KANTR: variants seen among roughly 807,000 people sequenced by gnomAD.
KANTR encodes the protein KANTR integral membrane protein.
downstream of KANTR, among the ~76,000 whole-genome samples, chrX:53,131,161 G>A (rs1269562851): frequency 9.0e-6 from 1 of 110,870 alleles, no homozygotes; most frequent in Admixed American, 9.7e-5. Flanking sequence ...ATGCTTTCAA[G>A]TCTTTGTTCT....
At chrX:53,143,179 A>G, downstream of KANTR, 1 of 834,482 alleles carries the variant, frequency 1.2e-6, no homozygotes, top group Non-Finnish European at 1.8e-6. Flanking sequence ...GATGGTGATG[A>G]CCTGACCTGG....
downstream of KANTR, chrX:53,143,339 T>C (rs1556818774): frequency 2.8e-6 from 2 of 722,068 alleles, no homozygotes; most frequent in Non-Finnish European, 4.2e-6. Context: ...TTGGTGAGGA[T>C]CTTCATGAGG....
downstream of KANTR, among the ~76,000 whole-genome samples, chrX:53,128,452 A>G (rs1282141138): frequency 3.6e-5 from 4 of 111,621 alleles, no homozygotes; most frequent in African/African-American, 1.3e-4. Flanking sequence ...ACTAAATCTT[A>G]AAAGATTTAG....
chrX:53,105,854 CT>C lies in KANTR; in HGVS notation c.-805+6267del, dbSNP rs1181859013. On this transcript the variant is annotated intron_variant, in intron 2 of 2. Transcript: ENST00000604062. ...CCTTTGTCAGATAATATGTTTTTTT[CT>C]TTTTTTTTTTTTTTTTTTTTGAGAC... 4.5e-3 allele frequency among the ~76,000 whole-genome samples: 324 copies of C among 72,038 alleles called. 2 individuals are homozygous for C. The highest frequency in any genetic ancestry group is 0.016 in the African/African-American group (284 of 17,480). 62.6% of individuals were successfully genotyped at this position (72,038 alleles called of 115,157 possible). A position where few individuals can be genotyped will look rare whatever the true frequency, so the allele number is the denominator to read the frequency against.
At chrX:53,104,367 C>T (rs1342797788) in intron 2 of KANTR, among the ~76,000 whole-genome samples, 3 of 110,022 alleles carry the variant, frequency 2.7e-5, no homozygotes, top group Admixed American at 9.8e-5. Context: ...ACTGGGATTA[C>T]AGGCGCACAC....
chrX:53,145,145 T>G (rs1390965551), downstream of KANTR, among the ~76,000 whole-genome samples: 2 of 111,256 alleles, frequency 1.8e-5, no homozygotes, highest in Non-Finnish European at 3.8e-5. Flanking sequence ...GGGGAGTGTC[T>G]GACAGTGGGT....
chrX:53,117,186 G>A (rs1933136864), intron 2 of KANTR, among the ~76,000 whole-genome samples: 1 of 71,113 alleles, frequency 1.4e-5, no homozygotes, highest in Non-Finnish European at 2.9e-5. Context: ...GAAGGCTGAG[G>A]TAGGAGAATC....
At chrX:53,094,720 C>G (rs1205438865) in intron 1 of KANTR, 1 of 112,061 alleles carries the variant, frequency 8.9e-6, no homozygotes, top group Non-Finnish European at 1.9e-5. Context: ...TCTCCTTCAC[C>G]AGCCTGGGCC....
chrX:53,099,410 A>G (rs1932871658), intron 1 of KANTR, 62 bp from the exon 2 acceptor site: 1 of 111,649 alleles, frequency 9.0e-6, no homozygotes, highest in African/African-American at 3.3e-5. Context: ...GCAGCAATTC[A>G]GTCACTTCTT....
intron 2 of KANTR, among the ~76,000 whole-genome samples, chrX:53,133,951 C>T (rs1476472287): frequency 8.9e-6 from 1 of 111,813 alleles, no homozygotes; most frequent in Non-Finnish European, 1.9e-5. Context: ...CTTATCCTCT[C>T]CTGGAACTCT....
At chrX:53,145,686 T>C (rs1355573122), downstream of KANTR, among the ~76,000 whole-genome samples, 1 of 112,122 alleles carries the variant, frequency 8.9e-6, no homozygotes, top group Non-Finnish European at 1.9e-5. Context: ...GATCTGAGAA[T>C]GGACAGACTG....
At chrX:53,111,389 A>G (rs1933038525) in intron 2 of KANTR, among the ~76,000 whole-genome samples, 1 of 111,140 alleles carries the variant, frequency 9.0e-6, no homozygotes, top group Non-Finnish European at 1.9e-5. Flanking sequence ...AAAAAACTCT[A>G]CACTTTGGCT....
chrX:53,145,787 T>C (rs923701071), downstream of KANTR, among the ~76,000 whole-genome samples: 1 of 111,760 alleles, frequency 8.9e-6, no homozygotes, highest in Non-Finnish European at 1.9e-5. Context: ...GCCGGGTACT[T>C]CTCTGAGACA....
chrX:53,113,083 C>A, intron 2 of KANTR: 1 of 259,669 alleles, frequency 3.9e-6, no homozygotes, highest in South Asian at 5.1e-5. Context: ...AAGACTTTAT[C>A]TTTGACCTTT....
chrX:53,121,188 G>A (rs782338491), intron 2 of KANTR, among the ~76,000 whole-genome samples: 2 of 110,533 alleles, frequency 1.8e-5, no homozygotes, highest in African/African-American at 3.3e-5. Context: ...TAGTAAAGAC[G>A]GGGTTTCACC....
chrX:53,147,851 TG>T (rs1556819626), intron 3 of KANTR, among the ~76,000 whole-genome samples: 1 of 111,559 alleles, frequency 9.0e-6, no homozygotes, highest in Admixed American at 9.6e-5. Context: ...ACTGAACAAC[TG>T]GCTCCTGAAA....
chrX:53,096,000 G>A (rs184247248), intron 1 of KANTR, among the ~76,000 whole-genome samples: 3 of 110,545 alleles, frequency 2.7e-5, no homozygotes, highest in Admixed American at 1.9e-4. Flanking sequence ...TTTGCATTCC[G>A]TGTATCTGGA....
downstream of KANTR, among the ~76,000 whole-genome samples, chrX:53,144,193 G>A (rs1337954465): frequency 1.8e-5 from 2 of 111,476 alleles, no homozygotes; most frequent in African/African-American, 6.5e-5. Context: ...CCAGGAGTTC[G>A]AGACCAGCTT....
chrX:53,145,039 G>A (rs782767973), downstream of KANTR, among the ~76,000 whole-genome samples: 7 of 111,247 alleles, frequency 6.3e-5, no homozygotes, highest in Non-Finnish European at 9.4e-5. Context: ...CAAGATGGCC[G>A]AATAGGAACA....
Sources: gnomAD v4.1 joint callset for allele counts (sites outside exome capture counted in the v4.1 genomes callset) on GRCh38, gnomAD v4.1.1 for gene constraint, MANE v1.5 for transcripts, NCBI Gene and HGNC (gene_info 2026-07-23, HGNC 2026-07-21) for gene names.